TMEM94: variants seen among roughly 807,000 people sequenced by gnomAD.
TMEM94 encodes transmembrane protein 94.
In TMEM94, 81 loss-of-function variants were observed where a neutral mutation model predicts 158.6. That is an observed-to-expected ratio of 0.51 (90% confidence interval 0.43 to 0.61). The LOEUF is 0.61. Among genes scored for constraint, TMEM94 ranks in the 20% least tolerant of loss-of-function variants. TMEM94 has a pLI of 0.00. For missense variants in TMEM94, 1,435 were observed against 1,762.0 expected (o/e 0.81, Z 3.32); for synonymous variants, 751 against 730.7 (o/e 1.03, Z -0.45).
In TMEM94 at chr17:75,489,022, C is replaced by T. The variant is rs376652528; in HGVS notation, c.764+112C>T. On this transcript the variant is annotated intron_variant, in intron 7 of 31. Transcript: ENST00000314256. This position sits in a 1 kb window ranked among gnomAD's most constrained non-coding sequence, Gnocchi z 5.0. ...TCGAGGTTCTCTTGAGGGCAGGCATCTCCTTAGGCTCCTGTCCTTAACATC... is the reference window on the plus strand; with the variant it reads ...TCGAGGTTCTCTTGAGGGCAGGCATTTCCTTAGGCTCCTGTCCTTAACATC... The T allele has an allele frequency of 5.9e-5, 67 of 1,130,236 alleles. 1 individual carries two copies. The highest frequency in any genetic ancestry group is 4.3e-4 in the East Asian group (18 of 42,058). 70.0% of individuals were successfully genotyped at this position (1,130,236 alleles called of 1,614,324 possible).
At chr17:75,470,581 T>C (rs1397153812) in intron 1 of TMEM94, among the ~76,000 whole-genome samples, 2 of 151,986 alleles carry the variant, frequency 1.3e-5, no homozygotes, top group Admixed American at 1.3e-4. Context: ...GGCGGGCGCC[T>C]GTAGTCCCAG....
At chr17:75,461,351 C>A (rs920785981) in intron 1 of TMEM94, among the ~76,000 whole-genome samples, 1 of 151,908 alleles carries the variant, frequency 6.6e-6, no homozygotes, top group Non-Finnish European at 1.5e-5. Flanking sequence ...CCGCCTGCTT[C>A]GGCCTCCCAA....
rs372592519 is a variant in TMEM94, at chr17:75,494,341, A to C, written c.2408-286A>C. 4.6e-5 allele frequency among the ~76,000 whole-genome samples: 7 copies of C among 152,292 alleles called. 1 individual carries two copies. Among genetic ancestry groups the C allele is most frequent in the Admixed American group, 2.0e-4 (3 of 15,308 alleles). On this transcript the variant is annotated intron_variant, in intron 18 of 31. Transcript: ENST00000314256. ...CACACTTCCCAGGTTTTTTGAACCC[A>C]AGAGACTGTGAATTGAAACAGTTGC...
chr17:75,475,079 C>A (rs2050630325), intron 2 of TMEM94, among the ~76,000 whole-genome samples: 1 of 152,328 alleles, frequency 6.6e-6, no homozygotes, highest in South Asian at 2.1e-4. Flanking sequence ...TAGCTCCCAC[C>A]CGAGCAGTGC....
rs2051691168 is a variant in TMEM94 at position 75,487,115 on chromosome 17, C to T, written c.409+689C>T. 6.6e-6 allele frequency among the ~76,000 whole-genome samples: 1 copy of T among 152,184 alleles called. No individual in the cohort carries two copies. Among genetic ancestry groups the T allele is most frequent in the South Asian group, 2.1e-4 (1 of 4,824 alleles). On this transcript the variant is annotated intron_variant, in intron 5 of 31. Transcript: ENST00000314256. This position sits in a 1 kb window ranked among gnomAD's most constrained non-coding sequence, Gnocchi z 4.6. The stretch of plus-strand genomic sequence containing the variant: ...GAGATGGTTAATTGCCACCATGTGC[C>T]AGGCACTGGGAGTGCAATGGTGATG...
At chr17:75,463,514 T>C (rs2050186673) in intron 1 of TMEM94, among the ~76,000 whole-genome samples, 1 of 152,108 alleles carries the variant, frequency 6.6e-6, no homozygotes, top group Non-Finnish European at 1.5e-5. Flanking sequence ...AGGTATGCTC[T>C]GACATGTACA....
chr17:75,487,107 C>T lies in TMEM94; in HGVS notation c.409+681C>T, dbSNP rs559273376. Among the ~76,000 whole-genome samples the T allele has an allele frequency of 2.0e-5, 3 of 152,290 alleles. No individual in the cohort carries two copies. Among genetic ancestry groups the T allele is most frequent in the Non-Finnish European group, 4.4e-5 (3 of 68,030 alleles). ...TTCGTTCTGAGATGGTTAATTGCCA[C>T]CATGTGCCAGGCACTGGGAGTGCAA... On this transcript the variant is annotated intron_variant, in intron 5 of 31. Transcript: ENST00000314256. This position sits in a 1 kb window ranked among gnomAD's most constrained non-coding sequence, Gnocchi z 4.6.
chr17:75,470,735 A>G (rs1309796374), intron 1 of TMEM94, among the ~76,000 whole-genome samples: 3 of 150,902 alleles, frequency 2.0e-5, no homozygotes, highest in Admixed American at 1.3e-4. Flanking sequence ...CCTGACCAAC[A>G]TGGTGAAACC....
chr17:75,498,656 G>A lies in TMEM94; in HGVS notation c.3761G>A (p.Arg1254His), dbSNP rs1274989008. 6.2e-7 allele frequency: 1 copy of A among 1,604,082 alleles called. No individual in the cohort carries two copies. Among genetic ancestry groups the A allele is most frequent in the Non-Finnish European group, 8.5e-7 (1 of 1,175,028 alleles). The change falls in exon 30 of 32, where the codon CGC (arginine) becomes CAC (histidine). Residue 1254 changes from arginine (R) to histidine (H), a missense_variant. Transcript: ENST00000314256. This position sits in a 1 kb window ranked among gnomAD's most constrained non-coding sequence, Gnocchi z 6.7. ...TVFISITHVH[R>H]TKPLWRKSPL... ...TTCATTTCCATCACCCATGTGCATC[G>A]CACCAAGCCCCTGTGGAGAAAGAGC... is the stretch of plus-strand genomic sequence containing the variant.
At position 75,492,014 on chromosome 17, in the gene TMEM94, C is replaced by T. The variant is rs2052245192; in HGVS notation, c.1596+114C>T. ...AAGAGCAGGCGTCTCTGCCCTCTGT[C>T]CCAGCACCTCCAGGCTAGGCCAGTG... On this transcript the variant is annotated intron_variant, in intron 14 of 31. Coordinates refer to ENST00000314256, the MANE Select transcript of TMEM94 (RefSeq NM_014738.6). This position sits in a 1 kb window ranked among gnomAD's most constrained non-coding sequence, Gnocchi z 4.4. 1.8e-6 allele frequency: 2 copies of T among 1,098,312 alleles called. No homozygotes were observed. The highest frequency in any genetic ancestry group is 1.6e-5 in the African/African-American group (1 of 63,816). 68.0% of individuals were successfully genotyped at this position (1,098,312 alleles called of 1,614,324 possible).
Position 75,488,279 on chromosome 17 carries a change from T to C in TMEM94, c.612+145T>C, listed in dbSNP as rs987511022. 3 of 725,414 alleles carry C rather than the reference T, an allele frequency of 4.1e-6. No individual in the cohort carries two copies. The African/African-American group carries it at 5.3e-5, about 13-fold the overall frequency. 44.9% of individuals were successfully genotyped at this position (725,414 alleles called of 1,614,324 possible). A position where few individuals can be genotyped will look rare whatever the true frequency, so the allele number is the denominator to read the frequency against. ...GGCTCTGGAACATCTTCCTCCACCCTGCTGTTCTTTTTTTTGAAACAGGGT... is the reference window on the plus strand; with the variant it reads ...GGCTCTGGAACATCTTCCTCCACCCCGCTGTTCTTTTTTTTGAAACAGGGT... On this transcript the variant is annotated intron_variant, in intron 6 of 31. Transcript: ENST00000314256.
At chr17:75,463,067 TATATATATATATAC>T (rs1372809417) in intron 1 of TMEM94, among the ~76,000 whole-genome samples, 1 of 14,286 alleles carries the variant, frequency 7.0e-5, no homozygotes, top group African/African-American at 8.7e-4. Flanking sequence ...TATATATATA[TATATATATATATAC>T]ACACACACAC....
Position 75,479,598 on chromosome 17 carries a change from A to G in TMEM94, c.25-5830A>G, listed in dbSNP as rs1030333340. Among the ~76,000 whole-genome samples the G allele has an allele frequency of 8.6e-5, 13 of 151,274 alleles. No individual in the cohort carries two copies. The East Asian group carries it at 1.8e-3, about 21-fold the overall frequency. On this transcript the variant is annotated intron_variant, in intron 2 of 31. Transcript: ENST00000314256. ...CTCCCAAAGTGCTGGGATTACAGGC[A>G]TGAGCCACTGAGCCCGGCCTACAAA...
At chr17:75,465,703 C>T (rs2050288745) in intron 1 of TMEM94, among the ~76,000 whole-genome samples, 1 of 134,132 alleles carries the variant, frequency 7.5e-6, no homozygotes, top group African/African-American at 3.3e-5. Context: ...CCAAAGACTT[C>T]AAAACTACTT....
In TMEM94 at chr17:75,492,968, A is replaced by G. The variant is rs2052350575; in HGVS notation, c.1952A>G (p.Asn651Ser). The change falls in exon 16 of 32, where the codon AAC (asparagine) becomes AGC (serine). Residue 651 changes from asparagine to serine, a missense_variant. Transcript: ENST00000314256. The surrounding 1 kb of genome is among the most constrained non-coding windows in gnomAD (Gnocchi z 4.4). The stretch of plus-strand genomic sequence containing the variant: ...GCCAAGGAGCTTTTCAAGCAGGAGA[A>G]CCATCTGGCGCTGTACCGCCTCCCC... ...PGAKELFKQE[N>S]HLALYRLPSA... 6.2e-7 allele frequency: 1 copy of G among 1,613,514 alleles called. No homozygotes were observed. Among genetic ancestry groups the G allele is most frequent in the Admixed American group, 1.7e-5 (1 of 59,980 alleles).
rs201438620 is a variant in TMEM94, at chr17:75,490,028, G to A, written c.955-206G>A. On this transcript the variant is annotated intron_variant, in intron 9 of 31. Coordinates refer to ENST00000314256, the MANE Select transcript of TMEM94 (RefSeq NM_014738.6). ...TGGGAGGTGGAGGTTGCAGTGAGCCGAGATCACGCCACTGCCCTCCAGCCT... is the reference window on the plus strand; with the variant it reads ...TGGGAGGTGGAGGTTGCAGTGAGCCAAGATCACGCCACTGCCCTCCAGCCT... 54 of 655,224 alleles carry A rather than the reference G, an allele frequency of 8.2e-5. No homozygotes were observed. The East Asian group carries it at 1.3e-3, about 16-fold the overall frequency. The allele number at this position is 655,224 out of a possible 1,614,324, so 40.6% of individuals were successfully genotyped here.
Position 75,485,654 on chromosome 17 carries a change from C to A in TMEM94, c.144+107C>A. The A allele has an allele frequency of 6.9e-7, 1 of 1,459,848 alleles. No individual in the cohort carries two copies. Among genetic ancestry groups the A allele is most frequent in the Non-Finnish European group, 9.4e-7 (1 of 1,060,578 alleles). 90.4% of individuals were successfully genotyped at this position (1,459,848 alleles called of 1,614,324 possible). ...ACCCTGTCACCCTGGACAGTGTGACCCAACTGAGGCCTCATGAAATATCAG... is the reference window on the plus strand; with the variant it reads ...ACCCTGTCACCCTGGACAGTGTGACACAACTGAGGCCTCATGAAATATCAG... On this transcript the variant is annotated intron_variant, in intron 3 of 31. Coordinates refer to ENST00000314256, the MANE Select transcript of TMEM94 (RefSeq NM_014738.6). This position sits in a 1 kb window ranked among gnomAD's most constrained non-coding sequence, Gnocchi z 5.5.
At position 75,485,915 on chromosome 17, in the gene TMEM94, C is replaced by T. The variant is rs1234591515; in HGVS notation, c.189C>T (p.Ser63=). ...TCCTCCACCACAGTAACCGCTGCTC[C>T]TGCTTCCACTGGCCGGGGGCCTCAC... ...SSFLHHSNRC[S]CFHWPGASLM... Residue 63 remains serine (S), a synonymous_variant, in exon 4 of 32, where the codon TCC becomes TCT. Coordinates refer to ENST00000314256, the MANE Select transcript of TMEM94 (RefSeq NM_014738.6). This position sits in a 1 kb window ranked among gnomAD's most constrained non-coding sequence, Gnocchi z 5.5. 2.5e-6 allele frequency: 4 copies of T among 1,613,676 alleles called. No homozygotes were observed. Among genetic ancestry groups the T allele is most frequent in the Admixed American group, 1.7e-5 (1 of 59,956 alleles).
intron 1 of TMEM94, among the ~76,000 whole-genome samples, chr17:75,458,028 G>A (rs2049947105): frequency 6.6e-6 from 1 of 152,170 alleles, no homozygotes; most frequent in Non-Finnish European, 1.5e-5. Context: ...GAAGCCAGCA[G>A]GTAGTTCTCT....
Sources: allele counts gnomAD v4.1 joint callset (sites outside exome capture counted in the v4.1 genomes callset), GRCh38; gene constraint gnomAD v4.1.1; non-coding constraint Gnocchi (gnomAD v3.1); transcripts MANE v1.5; gene names NCBI Gene and HGNC (gene_info 2026-07-23, HGNC 2026-07-21).